Variants in CCDC144A observed in about 807,000 individuals in gnomAD.
CCDC144A encodes the protein coiled-coil domain-containing protein 144A.
In CCDC144A, 41 loss-of-function variants were observed where a neutral mutation model predicts 143.8. The ratio of observed to expected loss-of-function variants is 0.29; its 90% confidence interval spans 0.22 to 0.37. The LOEUF (loss-of-function observed/expected upper bound fraction) is 0.37. Ranked by LOEUF, CCDC144A falls within the 10% of genes least tolerant of loss-of-function variation. The pLI, the probability that CCDC144A is intolerant of heterozygous loss-of-function variation, is 1.00. For synonymous variants in CCDC144A, 242 were observed against 517.9 expected (o/e 0.47, Z 7.23); for missense variants, 637 against 1,488.8 (o/e 0.43, Z 9.41).
the CCDC144A span, chr17:16,683,559 G>A: frequency 8.8e-6 from 14 of 1,597,418 alleles, no homozygotes; most frequent in African/African-American, 5.4e-5. Context: ...CTTTCTGACC[G>A]GGAATGAGTG....
rs1177075433 is a variant in CCDC144A, at chr17:16,715,739, T to C, written c.1715+3924T>C. Among the ~76,000 whole-genome samples, 5 of 152,188 alleles carry C rather than the reference T, an allele frequency of 3.3e-5. No homozygotes were observed. In the East Asian group the frequency reaches 7.7e-4, roughly 23 times the overall value. On this transcript the variant is annotated intron_variant, in intron 6 of 16. Transcript: ENST00000399273. ...TGACAGAGCAGCTGTTGATCTTACA[T>C]AGGGTTGCGGGAGGAGCGGACTTGA... is the stretch of plus-strand genomic sequence containing the variant.
chr17:16,681,423 A>G, the CCDC144A span, among the ~76,000 whole-genome samples: 1 of 152,140 alleles, frequency 6.6e-6, no homozygotes. Flanking sequence ...TTATTTGAAA[A>G]CATTTATTGA....
chr17:16,734,687 T>C lies in CCDC144A; in HGVS notation c.2419-3T>C, dbSNP rs1476941297. 1 of 1,530,894 alleles carries C rather than the reference T, an allele frequency of 6.5e-7. No homozygotes were observed. Among genetic ancestry groups the C allele is most frequent in the Admixed American group, 2.4e-5 (1 of 42,154 alleles). The allele number at this position is 1,530,894 out of a possible 1,614,324, so 94.8% of individuals were successfully genotyped here. On this transcript the variant is annotated splice_region_variant and splice_polypyrimidine_tract_variant and intron_variant, in intron 11 of 16. Coordinates refer to ENST00000399273, the MANE Select transcript of CCDC144A (RefSeq NM_001382000.1). ...GCTACTGAATGTTTCCTTTCTTACT[T>C]AGATTTCTCATAGGCATCAGAAAGA...
intron 12 of CCDC144A, among the ~76,000 whole-genome samples, chr17:16,736,850 T>C (rs1401463598): frequency 6.6e-6 from 1 of 151,846 alleles, no homozygotes; most frequent in Admixed American, 6.6e-5. Context: ...ACTCTGAGGT[T>C]GATTTGAGCT....
rs1210697273 is a variant in CCDC144A at position 16,711,136 on chromosome 17, GA to G, written c.1579-521del. The stretch of plus-strand genomic sequence containing the variant: ...CTTTTTGATATCCCAGGATTCAAAT[GA>G]AAAAAAAAAAAAAAAAAAAAACAAA... On this transcript the variant is annotated intron_variant, in intron 5 of 16. Coordinates refer to ENST00000399273, the MANE Select transcript of CCDC144A (RefSeq NM_001382000.1). Among the ~76,000 whole-genome samples the G allele has an allele frequency of 6.3e-3, 137 of 21,774 alleles. 1 individual carries two copies. The highest frequency in any genetic ancestry group is 0.031 in the Middle Eastern group (1 of 32). 14.3% of individuals were successfully genotyped at this position (21,774 alleles called of 152,430 possible). A position where few individuals can be genotyped will look rare whatever the true frequency, so the allele number is the denominator to read the frequency against.
At chr17:16,762,249 C>T (rs1597592699) in intron 13 of CCDC144A, 64 bp from the exon 14 acceptor site, 10 of 1,530,984 alleles carry the variant, frequency 6.5e-6, no homozygotes, top group African/African-American at 2.8e-5. Flanking sequence ...CAAAAGGAAA[C>T]AAATACACAG....
At position 16,711,624 on chromosome 17, in the gene CCDC144A, C is replaced by A. The variant is rs1012381334; in HGVS notation, c.1579-55C>A. 48 of 1,608,362 alleles carry A rather than the reference C, an allele frequency of 3.0e-5. No homozygotes were observed. The Admixed American group carries it at 3.9e-4, about 13-fold the overall frequency. On this transcript the variant is annotated intron_variant, in intron 5 of 16. Coordinates refer to ENST00000399273, the MANE Select transcript of CCDC144A (RefSeq NM_001382000.1). ...AAATCAATGCAAACAGAAAAAAGTT[C>A]TTTGTATTGAATAAAGCAATAACAA...
chr17:16,762,403 G>T lies in CCDC144A; in HGVS notation c.3757G>T (p.Asp1253Tyr). ...IKTQMELTIK[D>Y]LESEISRIKT... ...AACTCAGATGGAACTCACAATCAAAGATCTGGAATCTGAAATCTCCAGAAT... is the reference window on the plus strand; with the variant it reads ...AACTCAGATGGAACTCACAATCAAATATCTGGAATCTGAAATCTCCAGAAT... The change falls in exon 14 of 17, where the codon GAT becomes TAT. Residue 1253 changes from aspartate (D) to tyrosine (Y), a missense_variant. By Grantham distance (160) the Asp-to-Tyr change is radical. Transcript: ENST00000399273. 1 of 1,584,922 alleles carries T rather than the reference G, an allele frequency of 6.3e-7. No homozygotes were observed. The highest frequency in any genetic ancestry group is 8.6e-7 in the Non-Finnish European group (1 of 1,166,846).
intron 6 of CCDC144A, among the ~76,000 whole-genome samples, chr17:16,716,348 T>C (rs1912754511): frequency 6.6e-6 from 1 of 152,182 alleles, no homozygotes; most frequent in South Asian, 2.1e-4. Flanking sequence ...TGTATGTAGT[T>C]ATATGATAGT....
intron 10 of CCDC144A, 116 bp downstream of exon 10, chr17:16,732,099 T>C (rs889703487): frequency 1.2e-5 from 1 of 84,916 alleles, no homozygotes; most frequent in Admixed American, 1.7e-4. Context: ...AAAACTGTTA[T>C]TTCCTCTTAA....
intron 8 of CCDC144A, among the ~76,000 whole-genome samples, chr17:16,724,280 G>GT (rs1913258830): frequency 6.6e-6 from 1 of 152,072 alleles, no homozygotes; most frequent in Non-Finnish European, 1.5e-5. Flanking sequence ...GCTCACGCCT[G>GT]TAATCCCAGC....
the CCDC144A span, chr17:16,667,058 G>C: frequency 6.5e-6 from 1 of 153,694 alleles, no homozygotes; most frequent in Non-Finnish European, 1.4e-5. Flanking sequence ...GCCTCTCGGG[G>C]TCCGCTCCCC....
At chr17:16,747,337 G>C (rs1914582209) in intron 12 of CCDC144A, among the ~76,000 whole-genome samples, 1 of 152,230 alleles carries the variant, frequency 6.6e-6, no homozygotes, top group African/African-American at 2.4e-5. Flanking sequence ...ATAGTTTGAA[G>C]TTGGGTAATG....
chr17:16,775,842 T>G lies in CCDC144A; in HGVS notation c.*2209T>G, dbSNP rs560222238. On this transcript the variant is annotated 3_prime_UTR_variant, in exon 17 of 17. Transcript: ENST00000399273. ...CCAGGATTTTTATAGTTTTGGGTTG[T>G]AGATTTAAGTCTTTAATCCATCTTG... 3 of 152,386 alleles carry G rather than the reference T, an allele frequency of 2.0e-5. No individual in the cohort carries two copies. Among genetic ancestry groups the G allele is most frequent in the South Asian group, 4.1e-4 (2 of 4,830 alleles). 9.4% of individuals were successfully genotyped at this position (152,386 alleles called of 1,614,324 possible).
At chr17:16,759,271 C>T (rs1158907764) in intron 12 of CCDC144A, among the ~76,000 whole-genome samples, 21 of 152,206 alleles carry the variant, frequency 1.4e-4, no homozygotes, top group Non-Finnish European at 1.8e-4. Flanking sequence ...TTTCCATTTA[C>T]GATAATTTCC....
rs1263117301 is a variant in CCDC144A at position 16,711,809 on chromosome 17, A to C, written c.1709A>C (p.His570Pro). 4 of 1,586,858 alleles carry C rather than the reference A, an allele frequency of 2.5e-6. No individual in the cohort carries two copies. The highest frequency in any genetic ancestry group is 3.4e-6 in the Non-Finnish European group (4 of 1,166,454). Residue 570 changes from histidine to proline, a missense_variant, in exon 6 of 17, where the codon CAT becomes CCT. Coordinates refer to ENST00000399273, the MANE Select transcript of CCDC144A (RefSeq NM_001382000.1). ...ATTCCTAGGAAGGAAAATGGAGAGC[A>C]TGACAGGTAAGCCTATAGCAGCGTT... ...QQIPRKENGEHDRPADKTSNE... is the reference protein window; with the variant it reads ...QQIPRKENGEPDRPADKTSNE...
chr17:16,759,580 G>A (rs1597590117), intron 12 of CCDC144A, among the ~76,000 whole-genome samples: 3 of 150,384 alleles, frequency 2.0e-5, no homozygotes, highest in Admixed American at 6.6e-5. Flanking sequence ...CTTTCCTTCA[G>A]GTTCCCGTAT....
At chr17:16,761,371 A>G (rs1470668885) in intron 12 of CCDC144A, 54 bp from the exon 13 acceptor site, 10 of 1,545,586 alleles carry the variant, frequency 6.5e-6, no homozygotes, top group Middle Eastern at 2.3e-4. Context: ...TTTTTGTTAG[A>G]CCATTCTCAG....
At chr17:16,758,405 T>C (rs1915200239) in intron 12 of CCDC144A, among the ~76,000 whole-genome samples, 1 of 152,218 alleles carries the variant, frequency 6.6e-6, no homozygotes, top group African/African-American at 2.4e-5. Flanking sequence ...CCCTGGGTTG[T>C]GGTTTCTGCG....
Sources: gnomAD v4.1 joint callset for allele counts (sites outside exome capture counted in the v4.1 genomes callset) on GRCh38, gnomAD v4.1.1 for gene constraint, MANE v1.5 for transcripts, NCBI Gene and HGNC (gene_info 2026-07-23, HGNC 2026-07-21) for gene names.